CHSY3: variants seen among roughly 807,000 people sequenced by gnomAD.
The protein encoded by CHSY3 is chondroitin sulfate synthase 3, also known as N-acetylgalactosaminyl-proteoglycan 3-beta-glucuronosyltransferase 3.
Under a neutral mutation model 67.2 loss-of-function variants are expected in CHSY3, and 35 were observed. The observed-to-expected ratio is 0.52, with a 90% confidence interval of 0.40 to 0.69. The LOEUF (loss-of-function observed/expected upper bound fraction) is 0.69. Ranked by LOEUF, CHSY3 falls within the 30% of genes least tolerant of loss-of-function variation. The pLI is 0.00. For missense variants in CHSY3, 1,069 were observed against 1,138.5 expected, an observed-to-expected ratio of 0.94 and a Z score of 0.88; for synonymous variants, 474 against 434.7, an observed-to-expected ratio of 1.09 and a Z score of -1.12.
intron 2 of CHSY3, among the ~76,000 whole-genome samples, chr5:130,055,649 G>C (rs931203045): frequency 1.3e-5 from 2 of 152,050 alleles, no homozygotes; most frequent in African/African-American, 4.8e-5. Context: ...GTATATATAT[G>C]TCCTCTATAC....
At position 130,162,057 on chromosome 5, in the gene CHSY3, A is replaced by AGAAAG. The variant is rs1554087190; in HGVS notation, c.1087-22172_1087-22171insGAAAG. ...CCCTGTCTCAAAAAAAAAAAAAAAAAAAAGAAAGAAAGAAAGAAAAAGTTA... is the reference window on the plus strand; with the variant it reads ...CCCTGTCTCAAAAAAAAAAAAAAAAAGAAAGAAAGAAAGAAAGAAAGAAAAAGTTA... On this transcript the variant is annotated intron_variant, in intron 2 of 2. Coordinates refer to ENST00000305031, the MANE Select transcript of CHSY3 (RefSeq NM_175856.5). Among the ~76,000 whole-genome samples the AGAAAG allele has an allele frequency of 2.0e-3, 244 of 122,978 alleles. 4 individuals carry two copies. In the South Asian group the frequency reaches 0.03, roughly 15 times the overall value. 80.7% of individuals were successfully genotyped at this position (122,978 alleles called of 152,430 possible).
At chr5:130,139,641 C>T (rs1213046640) in intron 2 of CHSY3, among the ~76,000 whole-genome samples, 1 of 152,110 alleles carries the variant, frequency 6.6e-6, no homozygotes, top group African/African-American at 2.4e-5. Flanking sequence ...CCATACAGTT[C>T]CACTCTGAAT....
intron 2 of CHSY3, among the ~76,000 whole-genome samples, chr5:129,910,670 G>A (rs1449777570): frequency 6.6e-6 from 1 of 151,908 alleles, no homozygotes; most frequent in African/African-American, 2.4e-5. Context: ...AGACACCTAA[G>A]TACGTAACTT....
intron 2 of CHSY3, among the ~76,000 whole-genome samples, chr5:130,147,405 C>T (rs1298105827): frequency 2.6e-5 from 4 of 152,066 alleles, no homozygotes; most frequent in Admixed American, 6.6e-5. Context: ...GCATTTGTTT[C>T]CTTTTGTAAA....
chr5:129,975,808 A>G (rs528969859), intron 2 of CHSY3, among the ~76,000 whole-genome samples: 1 of 152,138 alleles, frequency 6.6e-6, no homozygotes, highest in South Asian at 2.1e-4. Flanking sequence ...TGAAATTTGA[A>G]CTCATATTAT....
chr5:129,924,950 C>A (rs1300880395), intron 2 of CHSY3, among the ~76,000 whole-genome samples: 1 of 152,112 alleles, frequency 6.6e-6, no homozygotes, highest in East Asian at 1.9e-4. Flanking sequence ...TCTACATTTA[C>A]TGAGTATGTC....
intron 2 of CHSY3, among the ~76,000 whole-genome samples, chr5:130,043,997 A>C (rs1580678260): frequency 6.6e-6 from 1 of 151,962 alleles, no homozygotes. Context: ...CAATATGGAG[A>C]TATCAGGCAC....
chr5:130,088,065 A>T (rs147702750), intron 2 of CHSY3, among the ~76,000 whole-genome samples: 6 of 152,138 alleles, frequency 3.9e-5, no homozygotes, highest in Admixed American at 3.9e-4. Context: ...ATAATGCCGC[A>T]TATATACAAC....
intron 2 of CHSY3, among the ~76,000 whole-genome samples, chr5:130,067,683 A>T (rs1013044686): frequency 1.3e-5 from 2 of 152,106 alleles, no homozygotes; most frequent in Admixed American, 6.6e-5. Context: ...GAGCAGTAAG[A>T]TGAGAATAGG....
At chr5:130,110,718 T>C (rs1273335750) in intron 2 of CHSY3, among the ~76,000 whole-genome samples, 1 of 151,950 alleles carries the variant, frequency 6.6e-6, no homozygotes, top group Non-Finnish European at 1.5e-5. Flanking sequence ...TGATGACATA[T>C]AATACCTTTT....
chr5:130,175,249 A>T (rs758181881), intron 2 of CHSY3, among the ~76,000 whole-genome samples: 5 of 152,206 alleles, frequency 3.3e-5, no homozygotes, highest in Non-Finnish European at 7.3e-5. Flanking sequence ...GTGAACTACC[A>T]TTCACAATTG....
intron 2 of CHSY3, among the ~76,000 whole-genome samples, chr5:129,988,481 C>A (rs549144562): frequency 6.6e-6 from 1 of 152,282 alleles, no homozygotes; most frequent in African/African-American, 2.4e-5. Context: ...ATATATTTTT[C>A]TTTGATGATA....
At chr5:129,977,205 G>A (rs1306385012) in intron 2 of CHSY3, among the ~76,000 whole-genome samples, 2 of 152,100 alleles carry the variant, frequency 1.3e-5, no homozygotes. Context: ...CTGAATCTCT[G>A]TGCCCCAAAG....
At chr5:129,960,938 A>G (rs867082545) in intron 2 of CHSY3, among the ~76,000 whole-genome samples, 1 of 152,110 alleles carries the variant, frequency 6.6e-6, no homozygotes, top group African/African-American at 2.4e-5. Context: ...AGTTACTCTG[A>G]AAGCCGTGTC....
chr5:130,068,618 G>A (rs1765960655), intron 2 of CHSY3, among the ~76,000 whole-genome samples: 1 of 152,104 alleles, frequency 6.6e-6, no homozygotes, highest in South Asian at 2.1e-4. Context: ...AAGTGTGGTA[G>A]AAAATATGAA....
intron 2 of CHSY3, among the ~76,000 whole-genome samples, chr5:130,012,625 C>T (rs1167462953): frequency 1.3e-5 from 2 of 152,110 alleles, no homozygotes; most frequent in South Asian, 4.1e-4. Context: ...TATAATCCAT[C>T]CAATCTCATA....
intron 2 of CHSY3, among the ~76,000 whole-genome samples, chr5:129,978,724 A>G (rs981910365): frequency 2.6e-5 from 4 of 152,150 alleles, no homozygotes; most frequent in African/African-American, 9.7e-5. Context: ...AATTTTCTAC[A>G]GTGAGTATAT....
intron 2 of CHSY3, among the ~76,000 whole-genome samples, chr5:130,063,640 A>G (rs1030294061): frequency 6.6e-6 from 1 of 152,130 alleles, no homozygotes; most frequent in African/African-American, 2.4e-5. Flanking sequence ...TGCTACCACA[A>G]CCGAATACCA....
At chr5:129,993,412 A>G (rs1763429610) in intron 2 of CHSY3, among the ~76,000 whole-genome samples, 2 of 152,146 alleles carry the variant, frequency 1.3e-5, no homozygotes, top group South Asian at 4.1e-4. Flanking sequence ...GTGCATATAT[A>G]TTTAGGATAG....
Sources: gnomAD v4.1 joint callset for allele counts (sites outside exome capture counted in the v4.1 genomes callset) on GRCh38, gnomAD v4.1.1 for gene constraint, MANE v1.5 for transcripts, NCBI Gene and HGNC (gene_info 2026-07-23, HGNC 2026-07-21) for gene names.